Variants in JMJD1C observed in about 807,000 individuals in gnomAD.
JMJD1C encodes the protein jumonji domain containing 1C.
Under a neutral mutation model 245.3 loss-of-function variants are expected in JMJD1C, and 31 were observed. That is an observed-to-expected ratio of 0.13 (90% CI 0.09 to 0.17). The LOEUF (loss-of-function observed/expected upper bound fraction) is 0.17. JMJD1C is among the 10% of genes least tolerant of loss of function. The pLI is 1.00. For missense variants in JMJD1C, 2,691 were observed against 3,000.2 expected, an observed-to-expected ratio of 0.90 and a Z score of 2.41; for synonymous variants, 1,057 against 1,017.4, an observed-to-expected ratio of 1.04 and a Z score of -0.74.
At chr10:63,327,773 A>G (rs1431153036) in intron 2 of JMJD1C, among the ~76,000 whole-genome samples, 1 of 151,860 alleles carries the variant, frequency 6.6e-6, no homozygotes, top group African/African-American at 2.4e-5. Flanking sequence ...GATTCAAGCG[A>G]TTCTCCTGCC....
intron 1 of JMJD1C, among the ~76,000 whole-genome samples, chr10:63,401,894 G>A (rs918305926): frequency 6.6e-6 from 1 of 152,064 alleles, no homozygotes; most frequent in African/African-American, 2.4e-5. Context: ...CAACACTTTG[G>A]GAGGCCGAGG....
intron 10 of JMJD1C, chr10:63,202,348 C>G (rs1293662124): frequency 2.0e-6 from 2 of 984,632 alleles, no homozygotes; most frequent in African/African-American, 3.5e-5. Context: ...ATTAATGTAT[C>G]TATATGTCAG....
intron 1 of JMJD1C, among the ~76,000 whole-genome samples, chr10:63,512,416 G>T (rs1427688499): frequency 3.9e-5 from 6 of 151,918 alleles, no homozygotes; most frequent in African/African-American, 1.5e-4. Flanking sequence ...TTCACTTTGA[G>T]TAAGTCTTTA....
chr10:63,306,952 A>G (rs1938334120), intron 2 of JMJD1C, among the ~76,000 whole-genome samples: 1 of 152,188 alleles, frequency 6.6e-6, no homozygotes, highest in African/African-American at 2.4e-5. Flanking sequence ...AACTTCATTT[A>G]CTTTTTTAAA....
chr10:63,272,237 T>C (rs1564717087), intron 2 of JMJD1C, among the ~76,000 whole-genome samples: 1 of 152,130 alleles, frequency 6.6e-6, no homozygotes, highest in Admixed American at 6.5e-5. Context: ...GTGTAGAACA[T>C]GCATGATCCA....
intron 22 of JMJD1C, among the ~76,000 whole-genome samples, chr10:63,179,482 A>G (rs1297945346): frequency 6.6e-6 from 1 of 152,154 alleles, no homozygotes; most frequent in Non-Finnish European, 1.5e-5. Flanking sequence ...AGCCATAAAA[A>G]TGAAATCACT....
At chr10:63,276,207 C>T (rs922530813) in intron 2 of JMJD1C, among the ~76,000 whole-genome samples, 18 of 152,124 alleles carry the variant, frequency 1.2e-4, no homozygotes, top group Admixed American at 1.0e-3. Context: ...TGGCTCATAC[C>T]TGTAATCCCA....
chr10:63,408,400 T>G (rs1359429246), intron 1 of JMJD1C, among the ~76,000 whole-genome samples: 1 of 150,814 alleles, frequency 6.6e-6, no homozygotes, highest in Non-Finnish European at 1.5e-5. Flanking sequence ...CAAAACTGTC[T>G]CAGAAAAAAA....
chr10:63,439,603 T>C (rs1432601154), intron 1 of JMJD1C, among the ~76,000 whole-genome samples: 1 of 152,206 alleles, frequency 6.6e-6, no homozygotes, highest in East Asian at 1.9e-4. Flanking sequence ...CACCTCAGTT[T>C]ACACGGATGG....
At position 63,438,261 on chromosome 10, in the gene JMJD1C, C is replaced by T. The variant is rs149825622; in HGVS notation, c.168+27234G>A. Among the ~76,000 whole-genome samples, 491 of 152,210 alleles carry T rather than the reference C, an allele frequency of 3.2e-3. 2 individuals carry two copies. Among genetic ancestry groups the T allele is most frequent in the African/African-American group, 0.011 (476 of 41,538 alleles). ...TGGTAACTCTATGTTTTGCAGGAGC[C>T]AAAACCTTAGAACCCATCTTAAACC... On this transcript the variant is annotated intron_variant, in intron 1 of 25. Transcript: ENST00000399262.
At chr10:63,460,382 T>C (rs1429623667) in intron 1 of JMJD1C, among the ~76,000 whole-genome samples, 3 of 152,078 alleles carry the variant, frequency 2.0e-5, no homozygotes, top group East Asian at 1.9e-4. Flanking sequence ...TAGTTGGGTA[T>C]AGTGGCACAT....
intron 2 of JMJD1C, among the ~76,000 whole-genome samples, chr10:63,368,479 A>T (rs1385520337): frequency 5.9e-5 from 9 of 152,146 alleles, no homozygotes; most frequent in Non-Finnish European, 1.0e-4. Flanking sequence ...CTCAGAAATA[A>T]CTGAGTAAGG....
intron 21 of JMJD1C, 147 bp downstream of exon 21, chr10:63,184,461 C>T (rs1843878353): frequency 1.6e-6 from 1 of 633,360 alleles, no homozygotes; most frequent in Admixed American, 3.3e-5. Context: ...CCAGGATGGT[C>T]TCAATCTCCT....
intron 20 of JMJD1C, 99 bp from the exon 21 acceptor site, chr10:63,184,837 T>C (rs752356439): frequency 1.9e-5 from 21 of 1,109,586 alleles, no homozygotes; most frequent in Non-Finnish European, 2.7e-5. Flanking sequence ...GCAGACTACC[T>C]TTCCATAAGA....
chr10:63,295,950 T>TATAC (rs1554877081), intron 2 of JMJD1C, among the ~76,000 whole-genome samples: 29 of 127,372 alleles, frequency 2.3e-4, no homozygotes, highest in African/African-American at 4.0e-4. Flanking sequence ...TATATATATA[T>TATAC]ACACGTATAT....
intron 3 of JMJD1C, among the ~76,000 whole-genome samples, chr10:63,227,267 A>G (rs1849405546): frequency 6.6e-6 from 1 of 152,208 alleles, no homozygotes. Flanking sequence ...GAAAATGTTA[A>G]AAATATACAC....
intron 1 of JMJD1C, among the ~76,000 whole-genome samples, chr10:63,480,617 A>T (rs2133184233): frequency 8.3e-6 from 1 of 120,202 alleles, no homozygotes. Context: ...TTGACAATTT[A>T]AAAGTACTAT....
In JMJD1C at chr10:63,502,824, G is replaced by A. The variant is rs76552253; in HGVS notation, n.113+18914C>T. On this transcript the variant is annotated intron_variant and non_coding_transcript_variant, in intron 1 of 3. Transcript: ENST00000633035. ...ACTCTAACTTGGAATCAATTCTTAC[G>A]GATAAAAAGATCAAACTTTGAATCC... Among the ~76,000 whole-genome samples the A allele has an allele frequency of 5.9e-4, 89 of 151,762 alleles. No homozygotes were observed. The East Asian group carries it at 0.012, about 20-fold the overall frequency.
At chr10:63,368,347 G>T (rs1022976117) in intron 2 of JMJD1C, among the ~76,000 whole-genome samples, 38 of 152,206 alleles carry the variant, frequency 2.5e-4, no homozygotes, top group African/African-American at 8.4e-4. Flanking sequence ...TGCTACCAAA[G>T]AAATACATCA....
Sources: allele counts gnomAD v4.1 joint callset (sites outside exome capture counted in the v4.1 genomes callset), GRCh38; gene constraint gnomAD v4.1.1; transcripts MANE v1.5; gene names NCBI Gene and HGNC (gene_info 2026-07-23, HGNC 2026-07-21).